PTH2R: variants seen among roughly 807,000 people sequenced by gnomAD.
PTH2R encodes the protein PTH2 receptor.
In PTH2R, 59 loss-of-function variants were observed where a neutral mutation model predicts 60.3. The observed-to-expected ratio is 0.98, with a 90% CI of 0.79 to 1.22. The LOEUF (loss-of-function observed/expected upper bound fraction) is 1.22. PTH2R is among the 50% of genes most tolerant of loss of function. PTH2R has a pLI of 0.00. For missense variants in PTH2R, 749 were observed against 682.6 expected (o/e 1.10, Z -1.08); for synonymous variants, 256 against 243.8 (o/e 1.05, Z -0.47).
intron 1 of PTH2R, among the ~76,000 whole-genome samples, chr2:208,378,124 A>G (rs955884075): frequency 3.3e-5 from 5 of 151,928 alleles, no homozygotes; most frequent in Non-Finnish European, 1.5e-5. Context: ...CAATCCCGGC[A>G]CCTCGGGAGG....
intron 9 of PTH2R, among the ~76,000 whole-genome samples, chr2:208,468,829 C>A (rs1033394807): frequency 3.3e-5 from 5 of 152,020 alleles, no homozygotes; most frequent in Admixed American, 6.6e-5. Context: ...TAAACAAGAA[C>A]CATTTTTTTT....
intron 8 of PTH2R, among the ~76,000 whole-genome samples, chr2:208,457,944 A>G (rs914698946): frequency 2.0e-5 from 3 of 152,170 alleles, no homozygotes; most frequent in African/African-American, 7.2e-5. Context: ...TTAAAAAACT[A>G]TCATTATATC....
intron 1 of PTH2R, 75 bp from the exon 2 acceptor site, chr2:208,428,126 G>T: frequency 9.3e-7 from 1 of 1,070,454 alleles, no homozygotes; most frequent in Non-Finnish European, 1.4e-6. Flanking sequence ...TAGATTAGAA[G>T]GTGAAATAAT....
intron 1 of PTH2R, among the ~76,000 whole-genome samples, chr2:208,394,187 C>G (rs567096827): frequency 6.6e-6 from 1 of 152,296 alleles, no homozygotes; most frequent in East Asian, 1.9e-4. Context: ...AGGCTCCCCA[C>G]TAGCAGGCCA....
In PTH2R at chr2:208,470,205, C is replaced by T. The variant is rs143060234; in HGVS notation, c.981+10244C>T. ...CAGAAACCTGAGATCTTGAATTTAC[C>T]GGTTAGGGAAAAGAAAAGGAGGAAC... On this transcript the variant is annotated intron_variant, in intron 9 of 12. Coordinates refer to ENST00000272847, the MANE Select transcript of PTH2R (RefSeq NM_005048.4). Among the ~76,000 whole-genome samples, 24 of 152,152 alleles carry T rather than the reference C, an allele frequency of 1.6e-4. No individual in the cohort carries two copies. In the East Asian group the frequency reaches 2.1e-3, roughly 13 times the overall value.
rs529782184 is a variant in PTH2R at position 208,400,281 on chromosome 2, A to C, written c.-258-27920A>C. Among the ~76,000 whole-genome samples the C allele has an allele frequency of 6.9e-4, 105 of 152,352 alleles. 1 individual carries two copies. The highest frequency in any genetic ancestry group is 3.4e-3 in the Middle Eastern group (1 of 294). ...AAATTCTTCAAAATGTAAGTGGTAG[A>C]ATTGACTTTGATAGACCTTTTCTCC... On this transcript the variant is annotated intron_variant, in intron 1 of 12. Coordinates refer to the PTH2R transcript ENST00000617735.
intron 1 of PTH2R, among the ~76,000 whole-genome samples, chr2:208,379,440 T>TA (rs913459215): frequency 6.6e-6 from 1 of 152,090 alleles, no homozygotes; most frequent in Non-Finnish European, 1.5e-5. Context: ...ACTGCAGTGA[T>TA]AAAAAAATAA....
At chr2:208,388,576 T>C (rs1207020354) in intron 1 of PTH2R, among the ~76,000 whole-genome samples, 1 of 152,230 alleles carries the variant, frequency 6.6e-6, no homozygotes, top group Non-Finnish European at 1.5e-5. Context: ...AGAGATATTG[T>C]AACCCCTGAA....
chr2:208,411,942 T>G (rs970624179), intron 1 of PTH2R, among the ~76,000 whole-genome samples: 2 of 152,210 alleles, frequency 1.3e-5, no homozygotes, highest in African/African-American at 4.8e-5. Context: ...TATTAGCAGA[T>G]GAGTTAAGTT....
In PTH2R at chr2:208,494,220, G is replaced by A. The variant is rs1703481578; in HGVS notation, c.*561G>A. On this transcript the variant is annotated 3_prime_UTR_variant, in exon 13 of 13. Coordinates refer to ENST00000272847, the MANE Select transcript of PTH2R (RefSeq NM_005048.4). ...AATAATGCATTTATAACAATTACAT[G>A]TGTTTCTGGGAACAAGGAAAATTTC... 1 of 152,214 alleles carries A rather than the reference G, an allele frequency of 6.6e-6. No homozygotes were observed. The highest frequency in any genetic ancestry group is 2.1e-4 in the South Asian group (1 of 4,838). The allele number at this position is 152,214 out of a possible 1,614,324, so 9.4% of individuals were successfully genotyped here.
intron 1 of PTH2R, among the ~76,000 whole-genome samples, chr2:208,391,176 T>C (rs995212311): frequency 6.6e-6 from 1 of 152,182 alleles, no homozygotes; most frequent in Admixed American, 6.5e-5. Context: ...CTTTCATGAA[T>C]TGTGCTAATT....
chr2:208,462,950 G>C (rs1001842197), intron 9 of PTH2R, among the ~76,000 whole-genome samples: 1 of 152,218 alleles, frequency 6.6e-6, no homozygotes, highest in Non-Finnish European at 1.5e-5. Flanking sequence ...TTAGACATTG[G>C]AAAGTGAAGG....
intron 11 of PTH2R, among the ~76,000 whole-genome samples, chr2:208,489,951 ACT>A (rs1319699088): frequency 2.0e-5 from 3 of 152,190 alleles, no homozygotes; most frequent in Admixed American, 1.3e-4. Context: ...ACAGCTGGCT[ACT>A]TGTTCTTGTC....
chr2:208,410,963 C>G (rs1701528909), intron 1 of PTH2R, among the ~76,000 whole-genome samples: 1 of 152,182 alleles, frequency 6.6e-6, no homozygotes, highest in Non-Finnish European at 1.5e-5. Flanking sequence ...AGAATGAGGA[C>G]AGCCGGGCAC....
intron 1 of PTH2R, among the ~76,000 whole-genome samples, chr2:208,365,929 A>AATATATATATATATATAT (rs1224025157): frequency 1.4e-4 from 6 of 43,730 alleles, no homozygotes; most frequent in Non-Finnish European, 2.3e-4. Context: ...ATAATAGATA[A>AATATATATATATATATAT]ATATATATAT....
chr2:208,410,762 T>TTG (rs10688062), intron 1 of PTH2R, among the ~76,000 whole-genome samples: 15,994 of 150,682 alleles, frequency 0.11, 904 homozygotes, highest in African/African-American at 0.15. Flanking sequence ...AGATAAAAGA[T>TTG]TGTGTGTGTG....
exon 1 of PTH2R, chr2:208,360,202 A>T: frequency 2.2e-6 from 1 of 454,978 alleles, no homozygotes; most frequent in Non-Finnish European, 4.4e-6. Flanking sequence ...AAATGAAAGC[A>T]TTTCTTCAAG....
At chr2:208,460,189 C>T (rs981008254) in intron 9 of PTH2R, among the ~76,000 whole-genome samples, 2 of 151,984 alleles carry the variant, frequency 1.3e-5, no homozygotes, top group East Asian at 1.9e-4. Flanking sequence ...GGGTCAATTC[C>T]GAGACTTCAA....
intron 1 of PTH2R, among the ~76,000 whole-genome samples, chr2:208,422,028 G>C (rs1195778518): frequency 6.6e-6 from 1 of 152,164 alleles, no homozygotes; most frequent in Non-Finnish European, 1.5e-5. Context: ...TTTGCTATAA[G>C]CAAACTGAAG....
Sources: gnomAD v4.1 joint callset for allele counts (sites outside exome capture counted in the v4.1 genomes callset) on GRCh38, gnomAD v4.1.1 for gene constraint, MANE v1.5 for transcripts, NCBI Gene and HGNC (gene_info 2026-07-23, HGNC 2026-07-21) for gene names.